The following NFASC variants were observed in gnomAD, a reference collection of about 807,000 sequenced individuals.
NFASC encodes the protein neurofascin.
A neutral mutation model predicts 147.5 loss-of-function variants in NFASC; 43 were observed. That is an observed-to-expected ratio of 0.29 (90% CI 0.23 to 0.38). The LOEUF (loss-of-function observed/expected upper bound fraction) is 0.38. NFASC is among the 10% of genes least tolerant of loss of function. NFASC has a pLI of 1.00. For synonymous variants in NFASC, 622 were observed against 665.5 expected (o/e 0.93, Z 1.01); for missense variants, 1,320 against 1,689.0 (o/e 0.78, Z 3.83).
intron 1 of NFASC, among the ~76,000 whole-genome samples, chr1:204,829,613 C>G (rs1671641698): frequency 6.6e-6 from 1 of 152,164 alleles, no homozygotes; most frequent in South Asian, 2.1e-4. Flanking sequence ...TCCTCTCCAG[C>G]CATGCAGCCA....
At chr1:204,906,247 T>C (rs1249432583) in intron 1 of NFASC, among the ~76,000 whole-genome samples, 1 of 152,244 alleles carries the variant, frequency 6.6e-6, no homozygotes, top group African/African-American at 2.4e-5. Flanking sequence ...TCACCCTTGC[T>C]AGGTGTATAG....
chr1:204,974,254 G>C lies in NFASC; in HGVS notation c.1355G>C (p.Cys452Ser). The C allele has an allele frequency of 6.2e-7, 1 of 1,614,138 alleles. No individual in the cohort carries two copies. The highest frequency in any genetic ancestry group is 8.5e-7 in the Non-Finnish European group (1 of 1,180,010). Reference sequence around the variant, plus strand: ...CTTTACAACCGGACGCGGCTGGACTGCCCTTTCTTTGGGTCTCCCATCCCC... The same window carrying C: ...CTTTACAACCGGACGCGGCTGGACTCCCCTTTCTTTGGGTCTCCCATCCCC... ...VILYNRTRLD[C>S]PFFGSPIPTL... Residue 452 changes from cysteine (C) to serine (S), a missense_variant, in exon 13 of 30, where the codon TGC becomes TCC. Physicochemically the swap from Cys to Ser is moderately radical, Grantham distance 112. Around this residue, in one of 3 missense-constraint regions of NFASC, gnomAD observed 981 missense variants for 1,289.5 expected, o/e 0.76. Transcript: ENST00000339876.
chr1:204,902,605 G>A (rs1400262253), intron 1 of NFASC, among the ~76,000 whole-genome samples: 1 of 152,200 alleles, frequency 6.6e-6, no homozygotes, highest in Non-Finnish European at 1.5e-5. Flanking sequence ...AAATAATCCA[G>A]TGGAGGGGTG....
intron 2 of NFASC, among the ~76,000 whole-genome samples, chr1:204,934,915 T>C (rs2092703228): frequency 6.6e-6 from 1 of 152,234 alleles, no homozygotes; most frequent in Non-Finnish European, 1.5e-5. Flanking sequence ...GTGCTGGCTA[T>C]GCAGCCAGTA....
chr1:204,978,497 G>A (rs1466115436), intron 17 of NFASC, among the ~76,000 whole-genome samples: 2 of 152,152 alleles, frequency 1.3e-5, no homozygotes, highest in African/African-American at 2.4e-5. Flanking sequence ...TGTTCAGCAG[G>A]CCAAGCCCTC....
chr1:204,857,919 C>T (rs58841368), intron 1 of NFASC, among the ~76,000 whole-genome samples: 17,225 of 121,582 alleles, frequency 0.14, 2,336 homozygotes, highest in East Asian at 0.46. Context: ...TCTTCTTCTT[C>T]TTTTTTTTTT....
In NFASC at chr1:204,875,680, G is replaced by A. The variant is rs371175042; in HGVS notation, c.-199-44952G>A. Among the ~76,000 whole-genome samples, 114 of 152,060 alleles carry A rather than the reference G, an allele frequency of 7.5e-4. 1 individual carries two copies. The highest frequency in any genetic ancestry group is 4.2e-3 in the South Asian group (20 of 4,800). ...CTCCCCTGCCCTTTCCCCCCACCACGCCCCTCAGGTCCCCTGCTGTGGGTT... is the reference window on the plus strand; with the variant it reads ...CTCCCCTGCCCTTTCCCCCCACCACACCCCTCAGGTCCCCTGCTGTGGGTT... On this transcript the variant is annotated intron_variant, in intron 1 of 29. Transcript: ENST00000339876.
chr1:204,945,475 G>A (rs1013599243), intron 3 of NFASC, among the ~76,000 whole-genome samples: 3 of 152,148 alleles, frequency 2.0e-5, no homozygotes, highest in African/African-American at 7.2e-5. Context: ...AGAGTTGGAG[G>A]TATCTCAGCC....
At position 204,828,663 on chromosome 1, in the gene NFASC, G is replaced by A. The variant is rs1671302059; in HGVS notation, c.-319G>A. The A allele has an allele frequency of 1.0e-6, 1 of 985,110 alleles. No individual in the cohort carries two copies. The highest frequency in any genetic ancestry group is 4.7e-5 in the South Asian group (1 of 21,280). The allele number at this position is 985,110 out of a possible 1,614,324, so 61.0% of individuals were successfully genotyped here. A position where few individuals can be genotyped will look rare whatever the true frequency, so the allele number is the denominator to read the frequency against. On this transcript the variant is annotated 5_prime_UTR_variant, in exon 1 of 30. Transcript: ENST00000339876. ...GGCCGCCCGGGGACGCGCACGGGCT[G>A]GTCTCTGCCCTAATGCGGCGGCTGG...
intron 1 of NFASC, among the ~76,000 whole-genome samples, chr1:204,842,156 T>G (rs1247855435): frequency 6.6e-6 from 1 of 152,228 alleles, no homozygotes; most frequent in African/African-American, 2.4e-5. Context: ...ACCTAGGAAC[T>G]GCAGATATGC....
chr1:204,858,004 C>G (rs556423103), intron 1 of NFASC, among the ~76,000 whole-genome samples: 2 of 150,266 alleles, frequency 1.3e-5, no homozygotes, highest in South Asian at 2.1e-4. Context: ...ACTACGGCCT[C>G]CACCTCCGGG....
intron 1 of NFASC, among the ~76,000 whole-genome samples, chr1:204,907,646 C>T (rs1398861688): frequency 6.6e-6 from 1 of 152,218 alleles, no homozygotes; most frequent in Non-Finnish European, 1.5e-5. Flanking sequence ...CTGTTTTGAA[C>T]TTTCCAGAGA....
intron 2 of NFASC, among the ~76,000 whole-genome samples, chr1:204,924,406 G>A (rs1171706107): frequency 1.3e-5 from 2 of 152,204 alleles, no homozygotes; most frequent in Non-Finnish European, 2.9e-5. Context: ...CCGGGGATGT[G>A]CTGTCCTTGA....
At chr1:204,888,457 C>G (rs1056183284) in intron 1 of NFASC, among the ~76,000 whole-genome samples, 4 of 152,110 alleles carry the variant, frequency 2.6e-5, no homozygotes, top group African/African-American at 9.7e-5. Flanking sequence ...TCACAGAGAA[C>G]AAAAAGCAGA....
At chr1:204,879,506 C>T (rs1157208624) in intron 1 of NFASC, among the ~76,000 whole-genome samples, 1 of 152,062 alleles carries the variant, frequency 6.6e-6, no homozygotes, top group Non-Finnish European at 1.5e-5. Flanking sequence ...CAGGGAGGAC[C>T]AAGGGGTGGG....
At chr1:204,950,633 G>A in intron 4 of NFASC, 59 bp downstream of exon 4, 1 of 1,529,284 alleles carries the variant, frequency 6.5e-7, no homozygotes, top group Non-Finnish European at 9.0e-7. Context: ...AATGAGGCAT[G>A]AGGTGATACC....
At chr1:204,969,054 G>C in intron 10 of NFASC, 72 bp downstream of exon 10, 1 of 1,410,878 alleles carries the variant, frequency 7.1e-7, no homozygotes, top group Non-Finnish European at 9.7e-7. Context: ...TCCCTCTGAG[G>C]GTGGTTGGGG....
intron 16 of NFASC, chr1:204,977,286 G>A: frequency 3.3e-6 from 1 of 300,596 alleles, no homozygotes; most frequent in Non-Finnish European, 5.5e-6. Flanking sequence ...CTGCACCCAG[G>A]CTGGACTGTA....
At chr1:204,977,480 G>C (rs1010577767) in intron 16 of NFASC, among the ~76,000 whole-genome samples, 1 of 152,216 alleles carries the variant, frequency 6.6e-6, no homozygotes, top group Non-Finnish European at 1.5e-5. Flanking sequence ...GGAAACAGAG[G>C]TGCCGCCCCC....
Sources: allele counts gnomAD v4.1 joint callset (sites outside exome capture counted in the v4.1 genomes callset), GRCh38; gene constraint gnomAD v4.1.1; regional missense constraint gnomAD v4.1.1; transcripts MANE v1.5; gene names NCBI Gene and HGNC (gene_info 2026-07-23, HGNC 2026-07-21).